Variants in MTMR8 observed in about 807,000 individuals in gnomAD.
MTMR8 encodes myotubularin related protein 8.
Under a neutral mutation model 39.3 loss-of-function variants are expected in MTMR8, and 65 were observed. The ratio of observed to expected loss-of-function variants is 1.65; its 90% CI spans 1.35 to 2.03. The LOEUF is 2.03. MTMR8 is among the 30% of genes most tolerant of loss of function. The probability of loss-of-function intolerance (pLI) is 0.00; values close to 1 mark genes in which losing one functional copy is unlikely to be tolerated. For missense variants in MTMR8, 777 were observed against 538.9 expected (o/e 1.44, Z -4.37); for synonymous variants, 245 against 185.2 (o/e 1.32, Z -2.62).
intron 12 of MTMR8, among the ~76,000 whole-genome samples, chrX:64,315,022 T>G (rs1379774370): frequency 8.9e-6 from 1 of 111,751 alleles, no homozygotes; most frequent in East Asian, 2.8e-4. Context: ...CTAGTTCCCC[T>G]AAGACTAAAG....
intron 1 of MTMR8, among the ~76,000 whole-genome samples, chrX:64,378,388 T>G (rs1186936068): frequency 2.7e-5 from 3 of 111,288 alleles, no homozygotes; most frequent in Non-Finnish European, 3.8e-5. Flanking sequence ...GCCAACATAA[T>G]TTTTTAACTT....
intron 12 of MTMR8, among the ~76,000 whole-genome samples, chrX:64,294,225 G>GT (rs771857844): frequency 1.1e-4 from 12 of 111,767 alleles, no homozygotes; most frequent in Non-Finnish European, 1.9e-4. Flanking sequence ...CTTAATGGAT[G>GT]ACATTCAAAA....
At chrX:64,361,077 G>T (rs1309352664) in intron 1 of MTMR8, among the ~76,000 whole-genome samples, 1 of 110,704 alleles carries the variant, frequency 9.0e-6, no homozygotes, top group Non-Finnish European at 1.9e-5. Context: ...AATACAGAAT[G>T]AAAAAGGGAA....
intron 12 of MTMR8, among the ~76,000 whole-genome samples, chrX:64,311,371 T>A (rs1922292586): frequency 1.8e-5 from 2 of 111,712 alleles, no homozygotes. Context: ...TTTGTTTAAA[T>A]TATTTGTAGA....
chrX:64,289,171 A>G (rs1234449677), intron 12 of MTMR8, among the ~76,000 whole-genome samples: 2 of 110,766 alleles, frequency 1.8e-5, no homozygotes, highest in African/African-American at 6.6e-5. Flanking sequence ...GATGTTCAAC[A>G]ACACTAATAG....
At chrX:64,314,102 G>A in intron 12 of MTMR8, among the ~76,000 whole-genome samples, 1 of 112,575 alleles carries the variant, frequency 8.9e-6, no homozygotes, top group African/African-American at 3.2e-5. Flanking sequence ...CTGCTATCAA[G>A]CCTCTGCTTT....
At chrX:64,393,498 T>C (rs745656401) in intron 1 of MTMR8, among the ~76,000 whole-genome samples, 2 of 112,044 alleles carry the variant, frequency 1.8e-5, no homozygotes, top group African/African-American at 6.5e-5. Flanking sequence ...TGCCTCCCCA[T>C]CTTCCCCAGT....
chrX:64,348,559 T>C, intron 6 of MTMR8, 101 bp downstream of exon 6: 1 of 1,007,175 alleles, frequency 9.9e-7, no homozygotes, highest in Non-Finnish European at 1.4e-6. Context: ...TAAACACACA[T>C]ACACAAACCT....
chrX:64,328,994 TAAGTAACCCAGCTC>T, intron 11 of MTMR8, 94 bp from the exon 12 acceptor site: 3 of 865,649 alleles, frequency 3.5e-6, no homozygotes, highest in Non-Finnish European at 3.1e-6. Flanking sequence ...ATTTTACTAA[TAAGTAACCCAGCTC>T]AAGAAAGGAC....
chrX:64,286,609 C>A (rs936707679), intron 12 of MTMR8, among the ~76,000 whole-genome samples: 6 of 111,894 alleles, frequency 5.4e-5, no homozygotes, highest in African/African-American at 6.5e-5. Context: ...AAAAGCTTAT[C>A]CACCATGATC....
intron 12 of MTMR8, among the ~76,000 whole-genome samples, chrX:64,297,395 G>A (rs1921652947): frequency 9.6e-6 from 1 of 104,417 alleles, no homozygotes; most frequent in Non-Finnish European, 2.0e-5. Flanking sequence ...AGAAGTGTCT[G>A]TTCATGTCCT....
In MTMR8 at chrX:64,313,162, G is replaced by A. The variant is rs781319569; in HGVS notation, c.1481+15610C>T. On this transcript the variant is annotated intron_variant, in intron 12 of 13. Transcript: ENST00000374852. Reference sequence around the variant, plus strand: ...CTTCTTTCTAATTATGAAAGTACTAGGTAGCAGCTTCTTCCAATAGAAAGC... The same window carrying A: ...CTTCTTTCTAATTATGAAAGTACTAAGTAGCAGCTTCTTCCAATAGAAAGC... 8.9e-5 allele frequency among the ~76,000 whole-genome samples: 10 copies of A among 112,260 alleles called. No individual in the cohort carries two copies. The South Asian group carries it at 3.7e-3, about 42-fold the overall frequency.
At chrX:64,307,178 C>G (rs147945481) in intron 12 of MTMR8, among the ~76,000 whole-genome samples, 3 of 111,617 alleles carry the variant, frequency 2.7e-5, no homozygotes, top group Non-Finnish European at 5.6e-5. Flanking sequence ...TTACTGGATA[C>G]GTTATTTGTA....
chrX:64,307,461 G>T (rs1052434376), intron 12 of MTMR8, among the ~76,000 whole-genome samples: 1 of 111,780 alleles, frequency 8.9e-6, no homozygotes, highest in South Asian at 3.7e-4. Context: ...TTGTTGAAAA[G>T]ACTATCCTTC....
At chrX:64,360,219 T>G (rs1411172275) in intron 1 of MTMR8, 3 of 149,056 alleles carry the variant, frequency 2.0e-5, no homozygotes, top group African/African-American at 9.6e-5. Context: ...TAAATAGAAT[T>G]TACGTGACAA....
chrX:64,297,759 T>A (rs1356735888), intron 12 of MTMR8, among the ~76,000 whole-genome samples: 1 of 110,792 alleles, frequency 9.0e-6, no homozygotes, highest in African/African-American at 3.3e-5. Flanking sequence ...GATTTTTGTA[T>A]AAGGTGTAAG....
chrX:64,345,808 A>G (rs958789964), intron 6 of MTMR8, among the ~76,000 whole-genome samples: 6 of 111,589 alleles, frequency 5.4e-5, no homozygotes, highest in African/African-American at 2.0e-4. Context: ...TTTTTTGTAA[A>G]GACAGTCTCG....
chrX:64,343,243 ATCACCTAAGAGTT>A (rs1003462811), intron 8 of MTMR8, among the ~76,000 whole-genome samples: 1 of 111,968 alleles, frequency 8.9e-6, no homozygotes, highest in Non-Finnish European at 1.9e-5. Context: ...TCAATTAGAG[ATCACCTAAGAGTT>A]TTTAATGTGA....
intron 12 of MTMR8, chrX:64,305,653 C>A: frequency 1.9e-6 from 1 of 533,913 alleles, no homozygotes; most frequent in South Asian, 2.3e-5. Flanking sequence ...ATTCCAGAGT[C>A]TACTACCATC....
Sources: gnomAD v4.1 joint callset for allele counts (sites outside exome capture counted in the v4.1 genomes callset) on GRCh38, gnomAD v4.1.1 for gene constraint, MANE v1.5 for transcripts, NCBI Gene and HGNC (gene_info 2026-07-23, HGNC 2026-07-21) for gene names.